Variants in LYZL4 observed in about 807,000 individuals in gnomAD.
LYZL4 encodes lysozyme like 4.
A neutral mutation model predicts 17.6 loss-of-function variants in LYZL4; 13 were observed. The observed-to-expected ratio is 0.74, with a 90% CI of 0.48 to 1.18. The LOEUF is 1.18. Among genes scored for constraint, LYZL4 ranks in the 50% most tolerant of loss-of-function variants. The probability of loss-of-function intolerance (pLI) is 0.00; values close to 1 mark genes in which losing one functional copy is unlikely to be tolerated. For missense variants in LYZL4, 174 were observed against 188.2 expected (o/e 0.92, Z 0.44); for synonymous variants, 64 against 67.7 (o/e 0.95, Z 0.27).
At chr3:42,362,310 G>C in the LYZL4 span, among the ~76,000 whole-genome samples, 1 of 152,150 alleles carries the variant, frequency 6.6e-6, no homozygotes, top group Non-Finnish European at 1.5e-5. Context: ...AAAAATGCCA[G>C]TTCATAAACA....
the LYZL4 span, among the ~76,000 whole-genome samples, chr3:42,382,489 C>T: frequency 2.0e-5 from 3 of 151,952 alleles, no homozygotes; most frequent in Non-Finnish European, 2.9e-5. Context: ...TATTGAGGTA[C>T]ACTAGCTAGC....
At chr3:42,395,342 T>C (rs971112870), downstream of LYZL4, among the ~76,000 whole-genome samples, 2 of 152,204 alleles carry the variant, frequency 1.3e-5, no homozygotes, top group African/African-American at 4.8e-5. Flanking sequence ...ATATACATCA[T>C]AGTTTGTCTA....
At chr3:42,402,026 A>G (rs1698662696) in intron 4 of LYZL4, among the ~76,000 whole-genome samples, 4 of 152,068 alleles carry the variant, frequency 2.6e-5, no homozygotes, top group Admixed American at 2.6e-4. Context: ...TATCCTCAAG[A>G]CCAAGGAATA....
chr3:42,369,729 C>G, the LYZL4 span, among the ~76,000 whole-genome samples: 1 of 152,110 alleles, frequency 6.6e-6, no homozygotes, highest in African/African-American at 2.4e-5. Context: ...CGACTTGGAT[C>G]CAGAAAAGAG....
At chr3:42,381,901 G>C in the LYZL4 span, among the ~76,000 whole-genome samples, 1 of 152,228 alleles carries the variant, frequency 6.6e-6, no homozygotes, top group African/African-American at 2.4e-5. Context: ...ATTACACTCT[G>C]ACTTGCGCAT....
At chr3:42,398,839 C>T (rs1411309057) in intron 4 of LYZL4, among the ~76,000 whole-genome samples, 2 of 151,890 alleles carry the variant, frequency 1.3e-5, no homozygotes, top group South Asian at 4.2e-4. Context: ...AAGAAAAAAA[C>T]CAAGGGATTT....
chr3:42,402,315 C>CTTTTTTTTTTTTTT (rs201251667), intron 4 of LYZL4, among the ~76,000 whole-genome samples: 1 of 136,982 alleles, frequency 7.3e-6, no homozygotes. Context: ...CTTTTCTTTT[C>CTTTTTTTTTTTTTT]TTTCTTTTTT....
At chr3:42,361,795 G>T in the LYZL4 span, among the ~76,000 whole-genome samples, 3 of 152,130 alleles carry the variant, frequency 2.0e-5, no homozygotes, top group Admixed American at 2.0e-4. Flanking sequence ...CAGCAAAATT[G>T]AGAAGGTACA....
At chr3:42,409,504 C>T (rs1404519109) in intron 1 of LYZL4, among the ~76,000 whole-genome samples, 1 of 152,186 alleles carries the variant, frequency 6.6e-6, no homozygotes, top group Admixed American at 6.5e-5. Flanking sequence ...ATCATCTCAA[C>T]TCGTAGAAGG....
At chr3:42,405,711 T>G (rs1309774854) in intron 3 of LYZL4, among the ~76,000 whole-genome samples, 2 of 152,070 alleles carry the variant, frequency 1.3e-5, no homozygotes, top group Non-Finnish European at 2.9e-5. Flanking sequence ...GGCCCAGCTA[T>G]GTAGCCTCTT....
chr3:42,404,237 G>T (rs562325772), intron 3 of LYZL4, 113 bp from the exon 4 acceptor site: 4 of 587,298 alleles, frequency 6.8e-6, no homozygotes, highest in African/African-American at 3.8e-5. Context: ...TGAATTCCAA[G>T]AATAAATCTA....
chr3:42,377,649 G>A, the LYZL4 span, among the ~76,000 whole-genome samples: 1 of 151,836 alleles, frequency 6.6e-6, no homozygotes, highest in Admixed American at 6.6e-5. Context: ...GTGTGTGTGT[G>A]TGTGTGTGTG....
At chr3:42,371,677 A>C in the LYZL4 span, among the ~76,000 whole-genome samples, 1 of 152,178 alleles carries the variant, frequency 6.6e-6, no homozygotes, top group African/African-American at 2.4e-5. Flanking sequence ...TTAATGTTAC[A>C]GTTGATGGGA....
downstream of LYZL4, among the ~76,000 whole-genome samples, chr3:42,396,624 C>T (rs1046661429): frequency 3.9e-5 from 6 of 152,202 alleles, no homozygotes; most frequent in African/African-American, 1.4e-4. Flanking sequence ...GCAACCAAAA[C>T]ATAACAGCAA....
the LYZL4 span, among the ~76,000 whole-genome samples, chr3:42,374,524 C>T: frequency 6.6e-6 from 1 of 152,184 alleles, no homozygotes; most frequent in East Asian, 1.9e-4. Context: ...GTCGAGGCCA[C>T]CGATATCCTG....
Position 42,397,114 on chromosome 3 carries a change from TGCATCCC to T in LYZL4, c.*144_*150del, listed in dbSNP as rs1698560722. The T allele has an allele frequency of 1.7e-6, 1 of 593,032 alleles. No homozygotes were observed. The highest frequency in any genetic ancestry group is 1.8e-5 in the African/African-American group (1 of 54,184). The allele number at this position is 593,032 out of a possible 1,614,324, so 36.7% of individuals were successfully genotyped here. On this transcript the variant is annotated 3_prime_UTR_variant, in exon 5 of 5. Coordinates refer to ENST00000287748, the MANE Select transcript of LYZL4 (RefSeq NM_144634.4). ...AACTAGTTTGGTTTATTCTGCATCC[TGCATCCC>T]CGGATGAAGCAAACTTTTGTCTTTT...
chr3:42,390,970 C>A, the LYZL4 span, among the ~76,000 whole-genome samples: 1 of 152,214 alleles, frequency 6.6e-6, no homozygotes. Context: ...ATAGCTACAG[C>A]ATGCTTATAT....
downstream of LYZL4, among the ~76,000 whole-genome samples, chr3:42,395,118 T>G (rs571442215): frequency 6.6e-6 from 1 of 152,200 alleles, no homozygotes; most frequent in Non-Finnish European, 1.5e-5. Context: ...CACACAAAAC[T>G]GTTTGATTAA....
chr3:42,375,027 T>C, the LYZL4 span, among the ~76,000 whole-genome samples: 1 of 152,098 alleles, frequency 6.6e-6, no homozygotes, highest in Admixed American at 6.5e-5. Flanking sequence ...CCCAGTCTGG[T>C]CTTGAACTCC....
Sources: allele counts gnomAD v4.1 joint callset (sites outside exome capture counted in the v4.1 genomes callset), GRCh38; gene constraint gnomAD v4.1.1; transcripts MANE v1.5; gene names NCBI Gene and HGNC (gene_info 2026-07-23, HGNC 2026-07-21).